SETBP1: variants seen among roughly 807,000 people sequenced by gnomAD.
SETBP1 encodes SET-binding protein.
A neutral mutation model predicts 101.0 loss-of-function variants in SETBP1; 9 were observed. The observed-to-expected ratio is 0.09, with a 90% CI of 0.05 to 0.16. The LOEUF (loss-of-function observed/expected upper bound fraction) is 0.16, where lower values mean the gene tolerates loss of function less well. SETBP1 is among the 10% of genes least tolerant of loss of function. The pLI is 1.00. For missense variants in SETBP1, 1,858 were observed against 2,033.8 expected (o/e 0.91, Z 1.66); for synonymous variants, 818 against 788.5 (o/e 1.04, Z -0.63).
chr18:44,921,193 A>C (rs557467721), intron 3 of SETBP1, among the ~76,000 whole-genome samples: 1 of 152,258 alleles, frequency 6.6e-6, no homozygotes, highest in Non-Finnish European at 1.5e-5. Flanking sequence ...GTCTACTGGC[A>C]GTTCAGTTGT....
Position 44,701,252 on chromosome 18 carries a change from G to T in SETBP1, c.-95G>T. ...CTGACCCTAGCAACTGGACCACTTT[G>T]TTCTTGGAATTTTGGGTGTCCTCTT... On this transcript the variant is annotated 5_prime_UTR_variant, in exon 2 of 6. Transcript: ENST00000649279. 9 of 1,395,920 alleles carry T rather than the reference G, an allele frequency of 6.4e-6. No homozygotes were observed. The highest frequency in any genetic ancestry group is 8.5e-6 in the Non-Finnish European group (9 of 1,053,188). 86.5% of individuals were successfully genotyped at this position (1,395,920 alleles called of 1,614,324 possible).
chr18:44,852,765 TG>T (rs1490307279), intron 2 of SETBP1, among the ~76,000 whole-genome samples: 5 of 152,224 alleles, frequency 3.3e-5, no homozygotes, highest in Admixed American at 2.6e-4. Context: ...GCCCAAGCTC[TG>T]TCATTCTGCC....
chr18:44,705,158 T>C (rs901512254), intron 2 of SETBP1, among the ~76,000 whole-genome samples: 6 of 152,242 alleles, frequency 3.9e-5, no homozygotes, highest in Non-Finnish European at 8.8e-5. Flanking sequence ...AATAATGTTT[T>C]TTACATTTTT....
chr18:44,965,275 A>G (rs1221224976), intron 4 of SETBP1, among the ~76,000 whole-genome samples: 8 of 100,500 alleles, frequency 8.0e-5, no homozygotes, highest in Non-Finnish European at 1.4e-4. Context: ...AGACAGACAC[A>G]TGCACACAAA....
intron 3 of SETBP1, among the ~76,000 whole-genome samples, chr18:44,938,957 CAT>C (rs1491163386): frequency 1.1e-5 from 1 of 87,818 alleles, no homozygotes; most frequent in Non-Finnish European, 2.3e-5. Flanking sequence ...GGAGTGTGTG[CAT>C]GTGTGTGTGT....
intron 2 of SETBP1, among the ~76,000 whole-genome samples, chr18:44,736,177 G>T (rs1027245272): frequency 5.9e-5 from 9 of 152,094 alleles, no homozygotes; most frequent in Non-Finnish European, 1.3e-4. Context: ...TTGAACCCAG[G>T]AGGTTGAGAC....
rs149066451 is a variant in SETBP1 at position 44,962,096 on chromosome 18, G to T, written c.4000+8756G>T. On this transcript the variant is annotated intron_variant, in intron 4 of 5. Coordinates refer to ENST00000649279, the MANE Select transcript of SETBP1 (RefSeq NM_015559.3). ...AGAAGGAAAGAAAAATCAAGAAAGAGACTAAGTTAGCATTCGTAAAACAAC... is the reference window on the plus strand; with the variant it reads ...AGAAGGAAAGAAAAATCAAGAAAGATACTAAGTTAGCATTCGTAAAACAAC... Among the ~76,000 whole-genome samples the T allele has an allele frequency of 1.9e-3, 288 of 152,318 alleles. 1 individual carries two copies. The highest frequency in any genetic ancestry group is 2.5e-3 in the Non-Finnish European group (170 of 68,028).
intron 4 of SETBP1, among the ~76,000 whole-genome samples, chr18:44,972,571 C>A (rs1238168392): frequency 1.3e-5 from 2 of 152,134 alleles, no homozygotes; most frequent in Non-Finnish European, 2.9e-5. Context: ...GTTTGTAGTT[C>A]TCCCTGAAGA....
intron 5 of SETBP1, among the ~76,000 whole-genome samples, chr18:45,043,529 G>C (rs1318300182): frequency 6.6e-6 from 1 of 152,026 alleles, no homozygotes; most frequent in Non-Finnish European, 1.5e-5. Flanking sequence ...CAAGGAAGTA[G>C]AGTGAGCACA....
At chr18:44,895,626 AC>A (rs1189638038) in intron 3 of SETBP1, among the ~76,000 whole-genome samples, 1 of 152,040 alleles carries the variant, frequency 6.6e-6, no homozygotes, top group Non-Finnish European at 1.5e-5. Flanking sequence ...TCTTTCCATT[AC>A]CCCATGCTGC....
chr18:45,018,034 A>G (rs2072983867), intron 4 of SETBP1, among the ~76,000 whole-genome samples: 1 of 152,180 alleles, frequency 6.6e-6, no homozygotes, highest in Non-Finnish European at 1.5e-5. Context: ...TCATCAGTGG[A>G]ATATTGGAAT....
intron 2 of SETBP1, among the ~76,000 whole-genome samples, chr18:44,724,036 C>T (rs907745164): frequency 5.3e-5 from 8 of 152,150 alleles, no homozygotes; most frequent in South Asian, 4.1e-4. Context: ...TCATTGCCAA[C>T]GAAAAAGTCC....
chr18:44,924,634 T>C (rs187082766), intron 3 of SETBP1, among the ~76,000 whole-genome samples: 1 of 152,276 alleles, frequency 6.6e-6, no homozygotes, highest in East Asian at 1.9e-4. Context: ...TGCCTTTGCA[T>C]TCTAGGAGTC....
chr18:44,797,942 G>A (rs1037617358), intron 2 of SETBP1, among the ~76,000 whole-genome samples: 2 of 152,124 alleles, frequency 1.3e-5, no homozygotes, highest in African/African-American at 4.8e-5. Flanking sequence ...AGCTTGGCAG[G>A]TGGATTCATG....
At chr18:44,744,171 A>G (rs2070165893) in intron 2 of SETBP1, among the ~76,000 whole-genome samples, 2 of 152,236 alleles carry the variant, frequency 1.3e-5, no homozygotes, top group South Asian at 4.1e-4. Flanking sequence ...GACCCAGTGC[A>G]GCGTTGAGTC....
At chr18:44,969,336 T>A (rs1405493041) in intron 4 of SETBP1, among the ~76,000 whole-genome samples, 1 of 152,194 alleles carries the variant, frequency 6.6e-6, no homozygotes, top group African/African-American at 2.4e-5. Context: ...GATTTGTATT[T>A]CCTTGTTATT....
chr18:44,834,345 A>G (rs547189786), intron 2 of SETBP1, among the ~76,000 whole-genome samples: 4 of 152,316 alleles, frequency 2.6e-5, no homozygotes, highest in African/African-American at 9.6e-5. Flanking sequence ...AATACAGTGA[A>G]TAAGTCAAGA....
chr18:44,818,676 T>A (rs972835547), intron 2 of SETBP1, among the ~76,000 whole-genome samples: 1 of 152,110 alleles, frequency 6.6e-6, no homozygotes, highest in Non-Finnish European at 1.5e-5. Flanking sequence ...CTACTATTTG[T>A]GATACTTATC....
At chr18:44,781,289 G>A (rs767896387) in intron 2 of SETBP1, among the ~76,000 whole-genome samples, 1 of 152,088 alleles carries the variant, frequency 6.6e-6, no homozygotes, top group Non-Finnish European at 1.5e-5. Context: ...GAGCATTGAG[G>A]GTGGCTATGC....
Sources: allele counts gnomAD v4.1 joint callset (sites outside exome capture counted in the v4.1 genomes callset), GRCh38; gene constraint gnomAD v4.1.1; transcripts MANE v1.5; gene names NCBI Gene and HGNC (gene_info 2026-07-23, HGNC 2026-07-21).